Variants in NUDT11 observed in about 807,000 individuals in gnomAD.
NUDT11 encodes the protein diphosphoinositol polyphosphate phosphohydrolase 3-beta.
In NUDT11, 1 loss-of-function variant was observed where a neutral mutation model predicts 10.0. The ratio of observed to expected loss-of-function variants is 0.10; its 90% CI spans 0.04 to 0.47. NUDT11 has a LOEUF of 0.47. NUDT11 is among the 20% of genes least tolerant of loss of function. The pLI, the probability that NUDT11 is intolerant of heterozygous loss-of-function variation, is 0.96. For missense variants in NUDT11, 47 were observed against 140.4 expected (o/e 0.33, Z 3.36); for synonymous variants, 63 against 65.9 (o/e 0.96, Z 0.21).
intron 1 of NUDT11, among the ~76,000 whole-genome samples, chrX:51,493,306 CCTTT>C (rs1261192067): frequency 8.9e-6 from 1 of 111,954 alleles, no homozygotes; most frequent in Non-Finnish European, 1.9e-5. Flanking sequence ...TACTCTTTTT[CCTTT>C]CTTTATCAAG....
intron 1 of NUDT11, among the ~76,000 whole-genome samples, chrX:51,493,403 G>GA (rs782626616): frequency 1.0e-3 from 117 of 111,494 alleles, no homozygotes; most frequent in African/African-American, 3.6e-3. Context: ...CTCTTAGAAG[G>GA]AAAAAAATCT....
At chrX:51,495,783 T>C (rs1557326585) in intron 1 of NUDT11, among the ~76,000 whole-genome samples, 168 bp downstream of exon 1, 2 of 112,702 alleles carry the variant, frequency 1.8e-5, no homozygotes, top group Admixed American at 1.9e-4. Flanking sequence ...AAACAGGGCC[T>C]GGCAACTGAG....
At chrX:51,495,818 G>A in intron 1 of NUDT11, 133 bp downstream of exon 1, 1 of 962,218 alleles carries the variant, frequency 1.0e-6, no homozygotes, top group Non-Finnish European at 1.4e-6. Context: ...TGATTCAGAG[G>A]GTCTGCCAAG....
Position 51,491,562 on chromosome X carries a change from G to T in NUDT11, c.*187C>A, listed in dbSNP as rs909107321. 16 of 437,565 alleles carry T rather than the reference G, an allele frequency of 3.7e-5. No individual in the cohort carries two copies. The highest frequency in any genetic ancestry group is 3.5e-4 in the African/African-American group (14 of 40,562). 36.1% of individuals were successfully genotyped at this position (437,565 alleles called of 1,213,427 possible). A position where few individuals can be genotyped will look rare whatever the true frequency, so the allele number is the denominator to read the frequency against. On this transcript the variant is annotated 3_prime_UTR_variant, in exon 2 of 2. Coordinates refer to ENST00000375992, the MANE Select transcript of NUDT11 (RefSeq NM_018159.4). ...GAATTAAGAGTCTATTCACGTATAA[G>T]AGTACAACAACCAGAGCAAGAGTCA...
chrX:51,494,047 T>C (rs1353778611), intron 1 of NUDT11, among the ~76,000 whole-genome samples: 1 of 111,752 alleles, frequency 8.9e-6, no homozygotes, highest in Non-Finnish European at 1.9e-5. Flanking sequence ...AATTAGGTTA[T>C]TGAGGAAAAT....
At chrX:51,492,509 A>T (rs1278203502) in intron 1 of NUDT11, among the ~76,000 whole-genome samples, 2 of 110,538 alleles carry the variant, frequency 1.8e-5, no homozygotes, top group Non-Finnish European at 3.8e-5. Flanking sequence ...GGCACGTGCC[A>T]CCATGCCTGG....
At chrX:51,495,187 TACC>T (rs1310106597) in intron 1 of NUDT11, among the ~76,000 whole-genome samples, 1 of 111,895 alleles carries the variant, frequency 8.9e-6, no homozygotes, top group Non-Finnish European at 1.9e-5. Flanking sequence ...AGTGAAAAAT[TACC>T]ACTTGTGAAA....
At position 51,495,906 on chromosome X, in the gene NUDT11, C is replaced by T. The variant is rs782539468; in HGVS notation, c.494+45G>A. The T allele has an allele frequency of 2.5e-6, 3 of 1,195,453 alleles. No homozygotes were observed. The South Asian group carries it at 5.5e-5, about 22-fold the overall frequency. On this transcript the variant is annotated intron_variant, in intron 1 of 1. Transcript: ENST00000375992. ...TGCTCCAGGCGGGACGCATTTTAAG[C>T]GAGGCAGACAAATAGAAGTCTGCGC...
chrX:51,496,540 T>C lies in NUDT11; in HGVS notation c.-96A>G. ...CGCCGCCGGGGAACAGCCGAGGTGCTGGGAAGAGAAAGGGCCGAGGCGAGG... is the reference window on the plus strand; with the variant it reads ...CGCCGCCGGGGAACAGCCGAGGTGCCGGGAAGAGAAAGGGCCGAGGCGAGG... On this transcript the variant is annotated 5_prime_UTR_variant, in exon 1 of 2. Transcript: ENST00000375992. 3.5e-6 allele frequency: 4 copies of C among 1,149,136 alleles called. No homozygotes were observed. The highest frequency in any genetic ancestry group is 4.6e-6 in the Non-Finnish European group (4 of 861,505). The allele number at this position is 1,149,136 out of a possible 1,213,427, so 94.7% of individuals were successfully genotyped here.
chrX:51,495,540 C>T (rs1925681002), intron 1 of NUDT11, among the ~76,000 whole-genome samples: 1 of 111,609 alleles, frequency 9.0e-6, no homozygotes, highest in Non-Finnish European at 1.9e-5. Flanking sequence ...GCACGCTCAC[C>T]CACGAATATG....
chrX:51,493,624 A>G (rs1602116628), intron 1 of NUDT11, among the ~76,000 whole-genome samples: 1 of 111,891 alleles, frequency 8.9e-6, no homozygotes, highest in East Asian at 2.8e-4. Flanking sequence ...AAGAGAAAAA[A>G]AGAATCTCCT....
Position 51,491,370 on chromosome X carries a change from A to C in NUDT11, c.*379T>G, listed in dbSNP as rs141555961. ...ATGTTTTGCCACACGGTGATTACAA[A>C]ATATTAATTGAATCAAAGAACCTTC... On this transcript the variant is annotated 3_prime_UTR_variant, in exon 2 of 2. Coordinates refer to ENST00000375992, the MANE Select transcript of NUDT11 (RefSeq NM_018159.4). 3 of 158,578 alleles carry C rather than the reference A, an allele frequency of 1.9e-5. No homozygotes were observed. Among genetic ancestry groups the C allele is most frequent in the Non-Finnish European group, 3.6e-5 (3 of 83,584 alleles). 13.1% of individuals were successfully genotyped at this position (158,578 alleles called of 1,213,427 possible).
intron 1 of NUDT11, among the ~76,000 whole-genome samples, chrX:51,493,589 A>G (rs782677379): frequency 8.9e-6 from 1 of 111,978 alleles, no homozygotes; most frequent in Non-Finnish European, 1.9e-5. Flanking sequence ...AATGCTTTTA[A>G]CTTGAAACTC....
At chrX:51,493,311 C>A (rs1209078631) in intron 1 of NUDT11, among the ~76,000 whole-genome samples, 1 of 111,883 alleles carries the variant, frequency 8.9e-6, no homozygotes, top group Non-Finnish European at 1.9e-5. Flanking sequence ...TTTTTCCTTT[C>A]TTTATCAAGA....
Position 51,490,026 on chromosome X carries a change from T to C in NUDT11, c.*1723A>G, listed in dbSNP as rs1557326038. ...CTCTGAAGAATACTTTTTTCAATTT[T>C]TATTATGGAAAATTTCAAACATATA... On this transcript the variant is annotated 3_prime_UTR_variant, in exon 2 of 2. Coordinates refer to ENST00000375992, the MANE Select transcript of NUDT11 (RefSeq NM_018159.4). 1 of 111,907 alleles carries C rather than the reference T, an allele frequency of 8.9e-6. No individual in the cohort carries two copies. The highest frequency in any genetic ancestry group is 1.9e-5 in the Non-Finnish European group (1 of 53,240). 9.2% of individuals were successfully genotyped at this position (111,907 alleles called of 1,213,427 possible).
rs573798604 is a variant in NUDT11, at chrX:51,493,135, A to C, written c.*-1386T>G. Among the ~76,000 whole-genome samples the C allele has an allele frequency of 6.2e-5, 7 of 112,574 alleles. No homozygotes were observed. In the Admixed American group the frequency reaches 6.6e-4, roughly 11 times the overall value. ...CTTCTTGAGAAAAACTGTATATATT[A>C]TAGACACAGCACCAATTGTTTCCAG... On this transcript the variant is annotated intron_variant, in intron 1 of 1. Coordinates refer to ENST00000375992, the MANE Select transcript of NUDT11 (RefSeq NM_018159.4).
chrX:51,495,230 A>G (rs1925673894), intron 1 of NUDT11, among the ~76,000 whole-genome samples: 1 of 112,227 alleles, frequency 8.9e-6, no homozygotes, highest in Non-Finnish European at 1.9e-5. Flanking sequence ...ATCTACATAT[A>G]GAAACAGAAA....
chrX:51,491,850 T>C, intron 1 of NUDT11, 101 bp from the exon 2 acceptor site: 1 of 555,756 alleles, frequency 1.8e-6, no homozygotes. Context: ...TCACTTTGCA[T>C]CAAGCACTTC....
intron 1 of NUDT11, among the ~76,000 whole-genome samples, chrX:51,492,018 C>CTA (rs1557326230): frequency 8.9e-6 from 1 of 111,782 alleles, no homozygotes; most frequent in African/African-American, 3.3e-5. Context: ...ATAAAATATC[C>CTA]TAAATTCCAT....
Sources: gnomAD v4.1 joint callset for allele counts (sites outside exome capture counted in the v4.1 genomes callset) on GRCh38, gnomAD v4.1.1 for gene constraint, MANE v1.5 for transcripts, NCBI Gene and HGNC (gene_info 2026-07-23, HGNC 2026-07-21) for gene names.